Variants in CTXND2 observed in about 807,000 individuals in gnomAD.
CTXND2 encodes cortexin domain containing 2.
chr1:150,892,974 C>G (rs952053439), intron 1 of CTXND2, among the ~76,000 whole-genome samples: 1 of 152,332 alleles, frequency 6.6e-6, no homozygotes. Context: ...GAAGAACTAA[C>G]TACTATGCTG....
chr1:150,898,474 C>T (rs1668939669), intron 1 of CTXND2, among the ~76,000 whole-genome samples: 2 of 152,040 alleles, frequency 1.3e-5, no homozygotes, highest in Non-Finnish European at 2.9e-5. Context: ...ATCCCCCTTA[C>T]TGGCCGGGCG....
At chr1:150,893,296 T>C (rs1315994071) in intron 1 of CTXND2, among the ~76,000 whole-genome samples, 1 of 152,190 alleles carries the variant, frequency 6.6e-6, no homozygotes, top group African/African-American at 2.4e-5. Context: ...ACTTTTGTTT[T>C]CTTCTTTTTC....
intron 1 of CTXND2, among the ~76,000 whole-genome samples, chr1:150,897,709 A>T (rs981438088): frequency 5.3e-5 from 8 of 152,264 alleles, no homozygotes; most frequent in Non-Finnish European, 1.0e-4. Flanking sequence ...CTGAAAGAGC[A>T]CTATAGAAAG....
chr1:150,906,673 G>C (rs1251935436), intron 1 of CTXND2, among the ~76,000 whole-genome samples: 2 of 152,102 alleles, frequency 1.3e-5, no homozygotes, highest in African/African-American at 4.8e-5. Context: ...GTGCTGGCAG[G>C]GTTTATAGGT....
chr1:150,901,221 A>G (rs1020679668), intron 1 of CTXND2, among the ~76,000 whole-genome samples: 3 of 152,252 alleles, frequency 2.0e-5, no homozygotes, highest in African/African-American at 7.2e-5. Context: ...TGGAAGCTAC[A>G]AAACATTGTT....
intron 1 of CTXND2, among the ~76,000 whole-genome samples, chr1:150,890,792 C>T (rs982456241): frequency 1.6e-4 from 24 of 152,044 alleles, no homozygotes; most frequent in Admixed American, 4.6e-4. Flanking sequence ...CGAGAGCCAC[C>T]GCGCCTGGCC....
At chr1:150,897,055 G>A (rs1206752671) in intron 1 of CTXND2, among the ~76,000 whole-genome samples, 1 of 152,118 alleles carries the variant, frequency 6.6e-6, no homozygotes, top group Non-Finnish European at 1.5e-5. Flanking sequence ...GCCCACTATT[G>A]CCAGGTTAGA....
At chr1:150,905,807 G>A (rs1005461287) in intron 1 of CTXND2, among the ~76,000 whole-genome samples, 5 of 151,540 alleles carry the variant, frequency 3.3e-5, no homozygotes, top group African/African-American at 9.7e-5. Context: ...TGGCTAACAC[G>A]GTGAAACCCC....
chr1:150,902,556 G>A lies in CTXND2; in HGVS notation c.-73-9686G>A, dbSNP rs113441315. ...GCATTCCAGCCTGGCCGACGGAAAT[G>A]AATGAGATTCATCACCTATAGGAGG... On this transcript the variant is annotated intron_variant, in intron 1 of 1. Transcript: ENST00000636087. Among the ~76,000 whole-genome samples the A allele has an allele frequency of 8.4e-3, 1,284 of 152,184 alleles. 7 individuals carry two copies. Among genetic ancestry groups the A allele is most frequent in the Non-Finnish European group, 0.012 (810 of 68,004 alleles).
chr1:150,894,850 A>G (rs777629853), intron 1 of CTXND2, among the ~76,000 whole-genome samples: 36 of 152,134 alleles, frequency 2.4e-4, no homozygotes, highest in Non-Finnish European at 4.9e-4. Flanking sequence ...AGCCTGGCCA[A>G]CATGGTGAAA....
intron 1 of CTXND2, among the ~76,000 whole-genome samples, chr1:150,902,419 A>G (rs1320441608): frequency 6.6e-6 from 1 of 151,028 alleles, no homozygotes; most frequent in Admixed American, 6.6e-5. Context: ...AAAAAAAAAA[A>G]TTGCTGGGCA....
At chr1:150,901,649 C>G (rs905797351) in intron 1 of CTXND2, among the ~76,000 whole-genome samples, 10 of 152,184 alleles carry the variant, frequency 6.6e-5, no homozygotes, top group Non-Finnish European at 1.5e-4. Context: ...AGCAGTGGCT[C>G]ATGCCTGTAA....
At chr1:150,887,919 G>A (rs1668794102) in intron 1 of CTXND2, among the ~76,000 whole-genome samples, 1 of 151,864 alleles carries the variant, frequency 6.6e-6, no homozygotes, top group Non-Finnish European at 1.5e-5. Context: ...TGTTGCCAAG[G>A]ATTTGTAAAT....
At chr1:150,902,840 G>A (rs1669065361) in intron 1 of CTXND2, among the ~76,000 whole-genome samples, 2 of 152,032 alleles carry the variant, frequency 1.3e-5, no homozygotes. Context: ...TGAAGGGAAA[G>A]TAGTCACCTT....
At chr1:150,893,667 C>T (rs1668879716) in intron 1 of CTXND2, among the ~76,000 whole-genome samples, 1 of 152,132 alleles carries the variant, frequency 6.6e-6, no homozygotes, top group Non-Finnish European at 1.5e-5. Flanking sequence ...CTATGTTGCC[C>T]CGGCTGGTCT....
intron 1 of CTXND2, among the ~76,000 whole-genome samples, chr1:150,898,163 T>TC (rs1668933920): frequency 1.3e-5 from 2 of 151,844 alleles, no homozygotes; most frequent in African/African-American, 2.4e-5. Context: ...GTTTTTTTTT[T>TC]TGTCTTTCTA....
chr1:150,910,630 AT>A (rs200364038), intron 1 of CTXND2, among the ~76,000 whole-genome samples: 8,142 of 129,806 alleles, frequency 0.063, 553 homozygotes, highest in African/African-American at 0.22. Flanking sequence ...TGGACTCTCA[AT>A]TTTTTTTTTT....
intron 1 of CTXND2, among the ~76,000 whole-genome samples, chr1:150,897,101 G>A (rs1045452107): frequency 1.3e-5 from 2 of 152,108 alleles, no homozygotes; most frequent in Non-Finnish European, 2.9e-5. Flanking sequence ...AATAAGGTTA[G>A]AATAAATTGT....
At chr1:150,909,757 T>C (rs587612649) in intron 1 of CTXND2, among the ~76,000 whole-genome samples, 1 of 152,276 alleles carries the variant, frequency 6.6e-6, no homozygotes, top group Admixed American at 6.5e-5. Flanking sequence ...AGATGAGCAA[T>C]ACCTGCCCCT....
Sources: gnomAD v4.1 joint callset for allele counts (sites outside exome capture counted in the v4.1 genomes callset) on GRCh38, gnomAD v4.1.1 for gene constraint, MANE v1.5 for transcripts, NCBI Gene and HGNC (gene_info 2026-07-23, HGNC 2026-07-21) for gene names.